The following DCC variants were observed in gnomAD, a reference collection of about 807,000 sequenced individuals.
DCC encodes DCC netrin 1 receptor.
A neutral mutation model predicts 172.5 loss-of-function variants in DCC; 58 were observed. That is an observed-to-expected ratio of 0.34 (90% confidence interval 0.27 to 0.42). The LOEUF (loss-of-function observed/expected upper bound fraction) is 0.42, where lower values mean the gene tolerates loss of function less well. Ranked by LOEUF, DCC falls within the 10% of genes least tolerant of loss-of-function variation. The pLI is 1.00. For missense variants in DCC, 1,740 were observed against 1,791.0 expected (o/e 0.97, Z 0.51); for synonymous variants, 709 against 644.5 (o/e 1.10, Z -1.52).
chr18:52,401,386 G>A (rs561660674), intron 1 of DCC, among the ~76,000 whole-genome samples: 5 of 151,964 alleles, frequency 3.3e-5, no homozygotes, highest in Non-Finnish European at 5.9e-5. Context: ...GAATCTTGTG[G>A]TTTTATAAAC....
chr18:53,163,821 A>G (rs1245410139), intron 8 of DCC, among the ~76,000 whole-genome samples: 1 of 152,200 alleles, frequency 6.6e-6, no homozygotes, highest in Non-Finnish European at 1.5e-5. Flanking sequence ...ACTTCCTGCT[A>G]CCTAAACATT....
intron 7 of DCC, among the ~76,000 whole-genome samples, chr18:53,093,885 C>G (rs577350863): frequency 1.4e-4 from 21 of 152,260 alleles, no homozygotes; most frequent in Non-Finnish European, 2.5e-4. Context: ...CCCATCATCC[C>G]CTCGCCAGAT....
At chr18:52,645,975 C>T (rs960904550) in intron 1 of DCC, among the ~76,000 whole-genome samples, 2 of 152,098 alleles carry the variant, frequency 1.3e-5, no homozygotes. Flanking sequence ...CAGATTTTTG[C>T]AAGCTACAAA....
At chr18:52,631,594 G>A (rs1029382475) in intron 1 of DCC, among the ~76,000 whole-genome samples, 10 of 152,162 alleles carry the variant, frequency 6.6e-5, no homozygotes, top group African/African-American at 1.2e-4. Flanking sequence ...CCTCGGAATC[G>A]GAAGGCTTCC....
intron 27 of DCC, among the ~76,000 whole-genome samples, chr18:53,515,237 C>T (rs1190695612): frequency 2.6e-5 from 4 of 151,898 alleles, no homozygotes; most frequent in South Asian, 2.1e-4. Context: ...AAGCCTTTGA[C>T]AAAATTCAAC....
chr18:53,522,574 T>A (rs574182517), intron 27 of DCC, among the ~76,000 whole-genome samples: 1 of 151,988 alleles, frequency 6.6e-6, no homozygotes, highest in African/African-American at 2.4e-5. Context: ...AACAGAGATA[T>A]AAACCAATGG....
At chr18:52,677,811 G>A (rs1206379708) in intron 1 of DCC, among the ~76,000 whole-genome samples, 1 of 152,132 alleles carries the variant, frequency 6.6e-6, no homozygotes, top group Non-Finnish European at 1.5e-5. Context: ...TTTAAGCACA[G>A]GAGTGTCTCA....
chr18:52,362,482 C>G (rs147359271), intron 1 of DCC, among the ~76,000 whole-genome samples: 26 of 152,306 alleles, frequency 1.7e-4, no homozygotes, highest in African/African-American at 5.3e-4. Flanking sequence ...GTCCAATTTG[C>G]ATCAAGTAAT....
chr18:52,507,212 T>C (rs1206591249), intron 1 of DCC, among the ~76,000 whole-genome samples: 2 of 152,186 alleles, frequency 1.3e-5, no homozygotes, highest in African/African-American at 4.8e-5. Flanking sequence ...GTTATTATTA[T>C]TAATGTGAGC....
intron 5 of DCC, among the ~76,000 whole-genome samples, chr18:53,011,039 T>A (rs2041723162): frequency 6.6e-6 from 1 of 151,412 alleles, no homozygotes; most frequent in East Asian, 1.9e-4. Flanking sequence ...AATTGCATAA[T>A]ATATTAAATT....
chr18:53,069,875 A>C (rs1429435340), intron 7 of DCC, among the ~76,000 whole-genome samples: 1 of 152,000 alleles, frequency 6.6e-6, no homozygotes, highest in African/African-American at 2.4e-5. Flanking sequence ...TTATTAGTTG[A>C]ATATTTTAAT....
intron 7 of DCC, among the ~76,000 whole-genome samples, chr18:53,081,076 A>C (rs2144135059): frequency 6.6e-6 from 1 of 152,222 alleles, no homozygotes; most frequent in South Asian, 2.1e-4. Context: ...TGATTTGATT[A>C]ATCCTTAAAT....
At chr18:53,324,088 TG>T (rs1225718323) in intron 14 of DCC, among the ~76,000 whole-genome samples, 4 of 152,210 alleles carry the variant, frequency 2.6e-5, no homozygotes, top group African/African-American at 9.6e-5. Context: ...GAGATTACTC[TG>T]GCTGAAGCAT....
At chr18:52,853,562 G>T (rs1206065946) in intron 2 of DCC, among the ~76,000 whole-genome samples, 2 of 152,182 alleles carry the variant, frequency 1.3e-5, no homozygotes, top group Non-Finnish European at 2.9e-5. Flanking sequence ...AGGTGAGGTT[G>T]GGAGGTCTCC....
At chr18:53,119,452 T>C (rs140921228) in intron 7 of DCC, among the ~76,000 whole-genome samples, 63 of 151,936 alleles carry the variant, frequency 4.1e-4, no homozygotes, top group African/African-American at 1.4e-3. Context: ...TATTAGACTC[T>C]GTCTACTTAG....
At chr18:52,519,011 G>A (rs1042045936) in intron 1 of DCC, among the ~76,000 whole-genome samples, 1 of 152,108 alleles carries the variant, frequency 6.6e-6, no homozygotes, top group Non-Finnish European at 1.5e-5. Flanking sequence ...TTCAGTAGGT[G>A]GATGAAAACC....
chr18:52,972,177 G>T (rs1456190110), intron 5 of DCC, among the ~76,000 whole-genome samples: 1 of 152,150 alleles, frequency 6.6e-6, no homozygotes, highest in Admixed American at 6.5e-5. Context: ...TAGGGCAGAG[G>T]ATATATTTAT....
chr18:53,060,960 A>G (rs1406029759), intron 5 of DCC, among the ~76,000 whole-genome samples: 5 of 152,212 alleles, frequency 3.3e-5, no homozygotes, highest in Admixed American at 3.3e-4. Flanking sequence ...GCAAGAGGCT[A>G]CATACATACA....
At chr18:52,770,681 C>T (rs1186544976) in intron 2 of DCC, among the ~76,000 whole-genome samples, 1 of 152,110 alleles carries the variant, frequency 6.6e-6, no homozygotes, top group Non-Finnish European at 1.5e-5. Flanking sequence ...TACTGGAGCC[C>T]AGGACTTCTC....
Sources: gnomAD v4.1 joint callset for allele counts (sites outside exome capture counted in the v4.1 genomes callset) on GRCh38, gnomAD v4.1.1 for gene constraint, MANE v1.5 for transcripts, NCBI Gene and HGNC (gene_info 2026-07-23, HGNC 2026-07-21) for gene names.